Variants in PTPRD observed in about 807,000 individuals in gnomAD.
The protein encoded by PTPRD is receptor-type tyrosine-protein phosphatase delta.
A neutral mutation model predicts 214.5 loss-of-function variants in PTPRD; 34 were observed. That is an observed-to-expected ratio of 0.16 (90% CI 0.12 to 0.21). The LOEUF (loss-of-function observed/expected upper bound fraction) is 0.21, where lower values mean the gene tolerates loss of function less well. PTPRD is among the 10% of genes least tolerant of loss of function. The pLI is 1.00. For synonymous variants in PTPRD, 1,128 were observed against 845.7 expected, an observed-to-expected ratio of 1.33 and a Z score of -5.79; for missense variants, 2,545 against 2,398.7, an observed-to-expected ratio of 1.06 and a Z score of -1.27.
intron 11 of PTPRD, among the ~76,000 whole-genome samples, chr9:8,814,954 T>A (rs995103804): frequency 6.6e-6 from 1 of 152,166 alleles, no homozygotes; most frequent in Non-Finnish European, 1.5e-5. Flanking sequence ...AGAACAAATG[T>A]GCAAATTTTG....
intron 10 of PTPRD, among the ~76,000 whole-genome samples, chr9:9,169,545 C>A (rs2099910587): frequency 6.6e-6 from 1 of 152,142 alleles, no homozygotes; most frequent in Admixed American, 6.6e-5. Flanking sequence ...TAAAGAAAGT[C>A]TCTTTACATA....
At chr9:10,186,676 C>T (rs1045999765) in intron 3 of PTPRD, among the ~76,000 whole-genome samples, 1 of 152,028 alleles carries the variant, frequency 6.6e-6, no homozygotes, top group Non-Finnish European at 1.5e-5. Flanking sequence ...TCGGGAATTA[C>T]TAAAGTGTGA....
intron 3 of PTPRD, among the ~76,000 whole-genome samples, chr9:10,283,669 C>T (rs767892044): frequency 2.0e-5 from 3 of 152,178 alleles, no homozygotes; most frequent in Non-Finnish European, 4.4e-5. Context: ...GAAATTCTAA[C>T]TGTCTCTTTG....
chr9:8,478,225 C>T (rs2096804912), intron 30 of PTPRD, among the ~76,000 whole-genome samples: 1 of 152,118 alleles, frequency 6.6e-6, no homozygotes, highest in African/African-American at 2.4e-5. Context: ...AAGTACTATA[C>T]AAATTTAAGC....
At chr9:8,647,617 T>C (rs568080518) in intron 12 of PTPRD, among the ~76,000 whole-genome samples, 1 of 152,344 alleles carries the variant, frequency 6.6e-6, no homozygotes, top group Non-Finnish European at 1.5e-5. Flanking sequence ...TGCACATATA[T>C]GTAATTCCTA....
chr9:10,060,869 TTTCCTTCC>T lies in PTPRD; in HGVS notation c.-544-27087_-544-27080del, dbSNP rs761292264. On this transcript the variant is annotated intron_variant, in intron 3 of 45. Transcript: ENST00000381196. The stretch of plus-strand genomic sequence containing the variant: ...CTTTCCTTTCTTTCTTCCTTCCTTC[TTTCCTTCC>T]TTCCTTCCTTCCTTCCTTCCTTCTT... Among the ~76,000 whole-genome samples, 104 of 83,480 alleles carry T rather than the reference TTTCCTTCC, an allele frequency of 1.2e-3. 12 individuals are homozygous for T. The highest frequency in any genetic ancestry group is 0.011 in the Middle Eastern group (2 of 184). 54.8% of individuals were successfully genotyped at this position (83,480 alleles called of 152,430 possible). A position where few individuals can be genotyped will look rare whatever the true frequency, so the allele number is the denominator to read the frequency against.
rs1849649530 is a variant in PTPRD, at chr9:8,338,906, G to A, written c.5379+16C>T. On this transcript the variant is annotated intron_variant, in intron 43 of 45. Transcript: ENST00000381196. ...TTTCAGCTAATGGTTAAGAGTTGAA[G>A]ACTGTGCCAACTTACCCTGGCATCT... 1 of 1,599,260 alleles carries A rather than the reference G, an allele frequency of 6.3e-7. No homozygotes were observed. The highest frequency in any genetic ancestry group is 8.5e-7 in the Non-Finnish European group (1 of 1,170,690).
chr9:8,554,259 C>T (rs868202573), intron 14 of PTPRD, among the ~76,000 whole-genome samples: 1 of 151,904 alleles, frequency 6.6e-6, no homozygotes, highest in African/African-American at 2.4e-5. Flanking sequence ...TAAATAAAAG[C>T]TTTGTTAACA....
intron 10 of PTPRD, among the ~76,000 whole-genome samples, chr9:9,043,714 G>A (rs2099654172): frequency 2.0e-5 from 3 of 152,096 alleles, no homozygotes; most frequent in Middle Eastern, 3.4e-3. Context: ...CACCAGCCTT[G>A]CCAAGATGAT....
At chr9:8,668,101 G>C (rs1036807271) in intron 12 of PTPRD, among the ~76,000 whole-genome samples, 4 of 152,092 alleles carry the variant, frequency 2.6e-5, no homozygotes, top group African/African-American at 4.8e-5. Context: ...TGTTGTGCTA[G>C]TGTAAAAATA....
At chr9:8,704,505 T>C (rs2098158674) in intron 12 of PTPRD, among the ~76,000 whole-genome samples, 1 of 152,124 alleles carries the variant, frequency 6.6e-6, no homozygotes, top group Non-Finnish European at 1.5e-5. Flanking sequence ...ACGTAGAGTA[T>C]CATGAACTTG....
chr9:8,637,122 C>T (rs1281206367), intron 12 of PTPRD, among the ~76,000 whole-genome samples: 1 of 152,128 alleles, frequency 6.6e-6, no homozygotes, highest in African/African-American at 2.4e-5. Context: ...AGCAACATCA[C>T]ACATTAATTT....
chr9:8,878,343 T>C lies in PTPRD; in HGVS notation c.-104+140354A>G, dbSNP rs373367961. 5.3e-5 allele frequency among the ~76,000 whole-genome samples: 8 copies of C among 152,184 alleles called. No individual in the cohort carries two copies. In the South Asian group the frequency reaches 1.7e-3, roughly 32 times the overall value. On this transcript the variant is annotated intron_variant, in intron 11 of 45. Transcript: ENST00000381196. Reference sequence around the variant, plus strand: ...CCCATTGTGCTCTCAGCTGCCTCTGTAACTAGCCAGACAAATTAAAGAGAC... The same window carrying C: ...CCCATTGTGCTCTCAGCTGCCTCTGCAACTAGCCAGACAAATTAAAGAGAC...
intron 3 of PTPRD, among the ~76,000 whole-genome samples, chr9:10,244,849 T>C (rs979197411): frequency 2.0e-5 from 3 of 152,142 alleles, no homozygotes; most frequent in African/African-American, 4.8e-5. Flanking sequence ...TCTAGCTGCT[T>C]CTATATTGAC....
intron 5 of PTPRD, among the ~76,000 whole-genome samples, chr9:9,866,578 G>A (rs1391999160): frequency 6.6e-6 from 1 of 152,078 alleles, no homozygotes; most frequent in Non-Finnish European, 1.5e-5. Flanking sequence ...AAAATTTAAA[G>A]AGGGGAATAA....
At chr9:9,705,725 C>T (rs1487857308) in intron 7 of PTPRD, among the ~76,000 whole-genome samples, 1 of 151,996 alleles carries the variant, frequency 6.6e-6, no homozygotes, top group East Asian at 1.9e-4. Context: ...TTTTGTCATA[C>T]TAATGTACAA....
chr9:9,003,437 A>C (rs1156321792), intron 11 of PTPRD, among the ~76,000 whole-genome samples: 3 of 151,950 alleles, frequency 2.0e-5, no homozygotes, highest in African/African-American at 4.8e-5. Context: ...TACCCTCTCA[A>C]ATGCCTATTC....
chr9:10,306,312 A>G (rs950322501), intron 3 of PTPRD, among the ~76,000 whole-genome samples: 1 of 152,032 alleles, frequency 6.6e-6, no homozygotes, highest in Admixed American at 6.6e-5. Context: ...ATTAGGAGAA[A>G]CACCTAATGT....
chr9:10,312,983 A>G (rs1017147120), intron 3 of PTPRD, among the ~76,000 whole-genome samples: 1 of 151,960 alleles, frequency 6.6e-6, no homozygotes, highest in African/African-American at 2.4e-5. Flanking sequence ...TGGTCCTGAC[A>G]CTATGAAAAC....
Sources: gnomAD v4.1 joint callset for allele counts (sites outside exome capture counted in the v4.1 genomes callset) on GRCh38, gnomAD v4.1.1 for gene constraint, MANE v1.5 for transcripts, NCBI Gene and HGNC (gene_info 2026-07-23, HGNC 2026-07-21) for gene names.